The following HMG20A variants were observed in gnomAD, a reference collection of about 807,000 sequenced individuals.
HMG20A encodes the protein high mobility group protein 20A.
A neutral mutation model predicts 43.9 loss-of-function variants in HMG20A; 17 were observed. The observed-to-expected ratio is 0.39, with a 90% CI of 0.27 to 0.58. HMG20A has a LOEUF of 0.58. HMG20A is among the 20% of genes least tolerant of loss of function. HMG20A has a pLI of 0.59. For synonymous variants in HMG20A, 132 were observed against 147.5 expected, an observed-to-expected ratio of 0.89 and a Z score of 0.76; for missense variants, 341 against 438.2, an observed-to-expected ratio of 0.78 and a Z score of 1.98.
At chr15:77,478,835 T>G (rs1455266913) in intron 8 of HMG20A, among the ~76,000 whole-genome samples, 3 of 152,200 alleles carry the variant, frequency 2.0e-5, no homozygotes, top group Non-Finnish European at 4.4e-5. Context: ...TATGTTTGTT[T>G]GCTTTTTAGT....
intron 1 of HMG20A, among the ~76,000 whole-genome samples, chr15:77,438,686 T>C (rs893042829): frequency 2.6e-5 from 4 of 152,232 alleles, no homozygotes; most frequent in Admixed American, 1.3e-4. Flanking sequence ...AGCACAACAA[T>C]TTGAAACAGC....
the HMG20A span, among the ~76,000 whole-genome samples, chr15:77,503,929 A>C: frequency 6.6e-6 from 1 of 152,214 alleles, no homozygotes; most frequent in African/African-American, 2.4e-5. Flanking sequence ...CTGTACACAC[A>C]GCTCAAAAGC....
the HMG20A span, among the ~76,000 whole-genome samples, chr15:77,501,475 C>T: frequency 3.3e-5 from 5 of 152,332 alleles, no homozygotes; most frequent in African/African-American, 7.2e-5. Context: ...TTTCTTTTGC[C>T]TCTCAGGCTC....
intron 6 of HMG20A, among the ~76,000 whole-genome samples, 167 bp downstream of exon 6, chr15:77,471,981 A>G (rs1211645001): frequency 1.3e-5 from 2 of 151,978 alleles, no homozygotes; most frequent in Non-Finnish European, 2.9e-5. Flanking sequence ...TATGGCAGAC[A>G]CTTACGTTGT....
intron 4 of HMG20A, among the ~76,000 whole-genome samples, chr15:77,467,839 C>T (rs139615736): frequency 3.0e-4 from 45 of 152,180 alleles, no homozygotes; most frequent in African/African-American, 9.2e-4. Flanking sequence ...GAAATGAATC[C>T]GTTCATTAGA....
At chr15:77,472,566 G>T (rs376979110) in intron 6 of HMG20A, among the ~76,000 whole-genome samples, 3 of 152,130 alleles carry the variant, frequency 2.0e-5, no homozygotes, top group Non-Finnish European at 4.4e-5. Flanking sequence ...GAGCCACCAC[G>T]CCCGGCCCAG....
the HMG20A span, among the ~76,000 whole-genome samples, chr15:77,495,569 CA>C: frequency 6.6e-6 from 1 of 151,848 alleles, no homozygotes; most frequent in African/African-American, 2.4e-5. Flanking sequence ...AGAACAACAA[CA>C]AAAAAAGGCA....
chr15:77,441,645 C>T (rs1379986724), intron 1 of HMG20A, among the ~76,000 whole-genome samples: 1 of 152,100 alleles, frequency 6.6e-6, no homozygotes, highest in East Asian at 1.9e-4. Context: ...AGGTTGTCTC[C>T]TTGTAGTTTA....
intron 1 of HMG20A, among the ~76,000 whole-genome samples, chr15:77,453,640 G>A (rs372215115): frequency 6.6e-6 from 1 of 152,118 alleles, no homozygotes; most frequent in African/African-American, 2.4e-5. Flanking sequence ...ATAAGCAGCA[G>A]CATTCATAAT....
At chr15:77,451,901 A>T (rs1305651484) in intron 1 of HMG20A, among the ~76,000 whole-genome samples, 2 of 152,248 alleles carry the variant, frequency 1.3e-5, no homozygotes, top group African/African-American at 4.8e-5. Context: ...GAAAATTCCA[A>T]TACAGAATAT....
intron 1 of HMG20A, among the ~76,000 whole-genome samples, chr15:77,433,435 C>T (rs955804019): frequency 6.6e-6 from 1 of 151,986 alleles, no homozygotes; most frequent in Non-Finnish European, 1.5e-5. Context: ...GAAATAACCC[C>T]AGTGTTACTC....
At chr15:77,513,580 C>T in the HMG20A span, among the ~76,000 whole-genome samples, 1 of 152,182 alleles carries the variant, frequency 6.6e-6, no homozygotes, top group Non-Finnish European at 1.5e-5. Context: ...GGGTTGGCTT[C>T]TGGTGAGTCC....
chr15:77,498,681 C>A, the HMG20A span, among the ~76,000 whole-genome samples: 1 of 152,336 alleles, frequency 6.6e-6, no homozygotes, highest in South Asian at 2.1e-4. Flanking sequence ...TTTTTCACAT[C>A]TGTGAAATGA....
At chr15:77,499,985 C>T in the HMG20A span, among the ~76,000 whole-genome samples, 1 of 152,014 alleles carries the variant, frequency 6.6e-6, no homozygotes, top group Non-Finnish European at 1.5e-5. Flanking sequence ...GGCACACCAC[C>T]ATGCCCAGCT....
At chr15:77,425,429 A>G (rs979535640) in intron 1 of HMG20A, among the ~76,000 whole-genome samples, 7 of 152,206 alleles carry the variant, frequency 4.6e-5, no homozygotes, top group African/African-American at 1.7e-4. Flanking sequence ...CATCAGCACA[A>G]TGGCTATCAT....
chr15:77,508,145 C>A, the HMG20A span, among the ~76,000 whole-genome samples: 2 of 152,078 alleles, frequency 1.3e-5, no homozygotes, highest in Non-Finnish European at 2.9e-5. Flanking sequence ...GGAGGAGGGA[C>A]GGGGAGGTCC....
At chr15:77,491,699 G>A in the HMG20A span, among the ~76,000 whole-genome samples, 2 of 152,178 alleles carry the variant, frequency 1.3e-5, no homozygotes, top group Non-Finnish European at 2.9e-5. Context: ...TTGCTTGGGG[G>A]AAGGCAAAAG....
At chr15:77,472,179 T>C (rs144615957) in intron 6 of HMG20A, among the ~76,000 whole-genome samples, 1 of 152,086 alleles carries the variant, frequency 6.6e-6, no homozygotes, top group East Asian at 1.9e-4. Flanking sequence ...GAAAAGTTGT[T>C]ATTTAAAGAA....
downstream of HMG20A, among the ~76,000 whole-genome samples, chr15:77,488,223 ATCTC>A (rs553105590): frequency 6.6e-6 from 1 of 152,072 alleles, no homozygotes; most frequent in Non-Finnish European, 1.5e-5. Flanking sequence ...TCTTATTTGA[ATCTC>A]TCTCTCACAC....
Sources: gnomAD v4.1 joint callset for allele counts (sites outside exome capture counted in the v4.1 genomes callset) on GRCh38, gnomAD v4.1.1 for gene constraint, MANE v1.5 for transcripts, NCBI Gene and HGNC (gene_info 2026-07-23, HGNC 2026-07-21) for gene names.